Variants in PLA2G4A observed in about 807,000 individuals in gnomAD.
The protein encoded by PLA2G4A is cytosolic phospholipase A2.
In PLA2G4A, 40 loss-of-function variants were observed where a neutral mutation model predicts 81.9. The ratio of observed to expected loss-of-function variants is 0.49; its 90% CI spans 0.38 to 0.64. The LOEUF is 0.64. PLA2G4A is among the 30% of genes least tolerant of loss of function. The probability of loss-of-function intolerance (pLI) is 0.00; values close to 1 mark genes in which losing one functional copy is unlikely to be tolerated. For synonymous variants in PLA2G4A, 302 were observed against 296.9 expected (o/e 1.02, Z -0.18); for missense variants, 715 against 905.1 (o/e 0.79, Z 2.69).
chr1:186,881,492 T>A (rs1225111644), intron 3 of PLA2G4A, among the ~76,000 whole-genome samples: 1 of 152,034 alleles, frequency 6.6e-6, no homozygotes, highest in East Asian at 1.9e-4. Context: ...TCCCAGGAAT[T>A]GTCTTTCAGC....
chr1:186,949,184 T>A (rs10911969), intron 12 of PLA2G4A, among the ~76,000 whole-genome samples: 1 of 150,964 alleles, frequency 6.6e-6, no homozygotes, highest in African/African-American at 2.4e-5. Flanking sequence ...ATATCGTGAA[T>A]TCTTCCTTAC....
intron 2 of PLA2G4A, among the ~76,000 whole-genome samples, chr1:186,857,006 G>T (rs1652576207): frequency 7.6e-6 from 1 of 131,672 alleles, no homozygotes; most frequent in African/African-American, 3.1e-5. Context: ...TCTTCTACTT[G>T]ATCTGACCAG....
intron 10 of PLA2G4A, among the ~76,000 whole-genome samples, chr1:186,945,912 T>C (rs1429900114): frequency 6.6e-6 from 1 of 152,164 alleles, no homozygotes; most frequent in African/African-American, 2.4e-5. Flanking sequence ...CTTAACTCAG[T>C]GGATCTTCAA....
At chr1:186,981,735 G>T (rs973621069) in intron 17 of PLA2G4A, among the ~76,000 whole-genome samples, 3 of 151,912 alleles carry the variant, frequency 2.0e-5, no homozygotes, top group African/African-American at 7.3e-5. Context: ...CATTTCCCCT[G>T]CATTTTTAGT....
chr1:186,939,958 T>C (rs2307195), intron 9 of PLA2G4A, 22 bp from the exon 10 acceptor site: 20,232 of 1,094,630 alleles, frequency 0.018, 248 homozygotes, highest in Non-Finnish European at 0.024. Context: ...TAAAGTCATC[T>C]TTTTCTTTCT....
intron 3 of PLA2G4A, 185 bp downstream of exon 3, chr1:186,870,701 C>T (rs781732265): frequency 6.9e-7 from 1 of 1,447,914 alleles, no homozygotes; most frequent in Non-Finnish European, 9.3e-7. Context: ...TTTACCTGGG[C>T]CTTAAATTAG....
At chr1:186,834,095 T>A (rs12047121) in intron 1 of PLA2G4A, among the ~76,000 whole-genome samples, 74,519 of 151,556 alleles carry the variant, frequency 0.49, 20,077 homozygotes, top group African/African-American at 0.73. Flanking sequence ...ACAAATGTCA[T>A]TAATATGTAT....
At chr1:186,978,461 T>C (rs1210052292) in intron 16 of PLA2G4A, among the ~76,000 whole-genome samples, 3 of 152,156 alleles carry the variant, frequency 2.0e-5, no homozygotes, top group African/African-American at 4.8e-5. Flanking sequence ...GGATGAGTAA[T>C]GGGAATATGC....
chr1:186,879,665 A>G (rs1011788814), intron 3 of PLA2G4A, among the ~76,000 whole-genome samples: 4 of 151,966 alleles, frequency 2.6e-5, no homozygotes, highest in Non-Finnish European at 5.9e-5. Flanking sequence ...AAATGAAATT[A>G]TGGCATAGTA....
intron 17 of PLA2G4A, among the ~76,000 whole-genome samples, chr1:186,986,280 A>C (rs1188312290): frequency 6.6e-6 from 1 of 152,186 alleles, no homozygotes; most frequent in Non-Finnish European, 1.5e-5. Flanking sequence ...TGATAGCAGC[A>C]ATCATTGTCA....
intron 12 of PLA2G4A, among the ~76,000 whole-genome samples, chr1:186,948,850 T>G (rs952491182): frequency 6.6e-6 from 1 of 152,150 alleles, no homozygotes; most frequent in African/African-American, 2.4e-5. Flanking sequence ...GGAAGCATGT[T>G]ACCTCAGATT....
chr1:186,971,429 C>G (rs1449230704), intron 15 of PLA2G4A, among the ~76,000 whole-genome samples: 2 of 151,914 alleles, frequency 1.3e-5, no homozygotes, highest in African/African-American at 4.8e-5. Context: ...CTTCCCGTGC[C>G]TTTCTCCAAA....
chr1:186,921,775 T>A (rs181363541), intron 7 of PLA2G4A, among the ~76,000 whole-genome samples: 1 of 152,212 alleles, frequency 6.6e-6, no homozygotes, highest in Non-Finnish European at 1.5e-5. Flanking sequence ...CTTCCCTCGG[T>A]GGGTGGAGGG....
intron 17 of PLA2G4A, among the ~76,000 whole-genome samples, chr1:186,980,014 G>C (rs1488319940): frequency 2.4e-5 from 3 of 124,518 alleles, no homozygotes; most frequent in African/African-American, 5.8e-5. Context: ...GTGGCGCAAT[G>C]TCGGCTCACT....
intron 3 of PLA2G4A, among the ~76,000 whole-genome samples, chr1:186,878,407 G>T (rs1476304344): frequency 2.0e-5 from 3 of 149,084 alleles, no homozygotes; most frequent in African/African-American, 7.4e-5. Flanking sequence ...TTCAGGTTAT[G>T]ACTGAACATG....
Position 186,854,376 on chromosome 1 carries a change from C to A in PLA2G4A, c.22C>A (p.Gln8Lys), listed in dbSNP as rs1169883981. 1.9e-6 allele frequency: 3 copies of A among 1,569,470 alleles called. No homozygotes were observed. The highest frequency in any genetic ancestry group is 2.6e-6 in the Non-Finnish European group (3 of 1,140,082). ...CAAAATGTCATTTATAGATCCTTAC[C>A]AGCACATTATAGTAAGTCATTCACT... MSFIDPY[Q>K]HIIVEHQYSH... The change falls in exon 2 of 18, where the codon CAG (glutamine) becomes AAG (lysine). Residue 8 changes from glutamine to lysine, a missense_variant. By Grantham distance (53) the Gln-to-Lys change is moderately conservative. Transcript: ENST00000367466.
chr1:186,949,764 G>C (rs931664769), intron 12 of PLA2G4A, among the ~76,000 whole-genome samples: 1 of 151,940 alleles, frequency 6.6e-6, no homozygotes, highest in Non-Finnish European at 1.5e-5. Context: ...GCTCACACCA[G>C]TAATCCCAGT....
chr1:186,921,294 A>T (rs1043141267), intron 7 of PLA2G4A, among the ~76,000 whole-genome samples: 1 of 152,108 alleles, frequency 6.6e-6, no homozygotes, highest in Non-Finnish European at 1.5e-5. Flanking sequence ...TTTGCCTTTC[A>T]TCTGTGTTTA....
In PLA2G4A at chr1:186,988,618, G is replaced by A. The variant is rs996055262; in HGVS notation, c.*110G>A. On this transcript the variant is annotated 3_prime_UTR_variant, in exon 18 of 18. Transcript: ENST00000367466. ...TAGTCGTACTGATCATGAGAGACTG[G>A]CTGATACTCAAAGTTGCAGTTACTT... 13 of 950,014 alleles carry A rather than the reference G, an allele frequency of 1.4e-5. No individual in the cohort carries two copies. Among genetic ancestry groups the A allele is most frequent in the Non-Finnish European group, 2.0e-5 (12 of 590,884 alleles). 58.8% of individuals were successfully genotyped at this position (950,014 alleles called of 1,614,324 possible).
Sources: gnomAD v4.1 joint callset for allele counts (sites outside exome capture counted in the v4.1 genomes callset) on GRCh38, gnomAD v4.1.1 for gene constraint, MANE v1.5 for transcripts, NCBI Gene and HGNC (gene_info 2026-07-23, HGNC 2026-07-21) for gene names.